Variants in SPTA1 observed in about 807,000 individuals in gnomAD.
The protein encoded by SPTA1 is spectrin alpha chain, erythrocytic 1.
Under a neutral mutation model 324.7 loss-of-function variants are expected in SPTA1, and 177 were observed. The observed-to-expected ratio is 0.55, with a 90% confidence interval of 0.48 to 0.62. The LOEUF is 0.62. Among genes scored for constraint, SPTA1 ranks in the 20% least tolerant of loss-of-function variants. SPTA1 has a pLI of 0.00. For missense variants in SPTA1, 3,162 were observed against 2,883.6 expected, an observed-to-expected ratio of 1.10 and a Z score of -2.21; for synonymous variants, 1,195 against 1,041.3, an observed-to-expected ratio of 1.15 and a Z score of -2.84.
At chr1:158,613,894 T>A (rs555018814) in intron 49 of SPTA1, 27 bp from the exon 50 acceptor site, 131 of 1,606,128 alleles carry the variant, frequency 8.2e-5, no homozygotes, top group Admixed American at 1.0e-4. Flanking sequence ...GAAAAAAAAA[T>A]TTATCAAGCT....
chr1:158,628,891 A>T (rs1557932680), intron 39 of SPTA1, among the ~76,000 whole-genome samples: 1 of 152,066 alleles, frequency 6.6e-6, no homozygotes, highest in Non-Finnish European at 1.5e-5. Context: ...TCATGAAGAA[A>T]GTCCAAACAG....
intron 42 of SPTA1, 54 bp from the exon 43 acceptor site, chr1:158,623,246 C>A: frequency 6.8e-7 from 1 of 1,465,850 alleles, no homozygotes; most frequent in South Asian, 1.1e-5. Context: ...AAGGGTCATT[C>A]ACATCTGGGT....
At chr1:158,642,031 C>A (rs1392763288) in intron 33 of SPTA1, among the ~76,000 whole-genome samples, 1 of 151,980 alleles carries the variant, frequency 6.6e-6, no homozygotes, top group Non-Finnish European at 1.5e-5. Flanking sequence ...AAACTGGAAA[C>A]CATCATTCTC....
At chr1:158,652,692 G>C (rs1227408691) in intron 22 of SPTA1, 39 bp from the exon 23 acceptor site, 1 of 1,608,686 alleles carries the variant, frequency 6.2e-7, no homozygotes, top group Admixed American at 1.7e-5. Context: ...AAAAGAAGGA[G>C]AAAATACAGA....
intron 17 of SPTA1, 192 bp from the exon 18 acceptor site, chr1:158,661,601 A>G: frequency 1.5e-6 from 1 of 683,426 alleles, no homozygotes; most frequent in Non-Finnish European, 2.4e-6. Context: ...GCCTCTTTTT[A>G]TTAATAAATT....
chr1:158,642,226 G>T (rs1241271645), intron 33 of SPTA1, among the ~76,000 whole-genome samples, 185 bp downstream of exon 33: 1 of 151,746 alleles, frequency 6.6e-6, no homozygotes, highest in Non-Finnish European at 1.5e-5. Context: ...AAGTTAATGG[G>T]TGCAGCACAC....
At chr1:158,644,174 T>G (rs560874925) in intron 30 of SPTA1, 79 bp downstream of exon 30, 3 of 1,561,666 alleles carry the variant, frequency 1.9e-6, no homozygotes, top group African/African-American at 2.7e-5. Context: ...TTATAAATTA[T>G]AAAACCAGAC....
At chr1:158,613,625 G>T in intron 50 of SPTA1, 96 bp downstream of exon 50, 2 of 1,557,468 alleles carry the variant, frequency 1.3e-6, no homozygotes, top group Non-Finnish European at 8.8e-7. Context: ...ATTTTCAGAT[G>T]AGTTAATTTC....
intron 2 of SPTA1, among the ~76,000 whole-genome samples, chr1:158,684,624 A>G (rs1655039696): frequency 6.6e-6 from 1 of 152,104 alleles, no homozygotes; most frequent in Admixed American, 6.6e-5. Context: ...TTTCCATTAC[A>G]TCACTCCCAC....
rs1159872458 is a variant in SPTA1 at position 158,611,163 on chromosome 1, ACACG to A, written c.*97_*100del. 9 of 1,388,312 alleles carry A rather than the reference ACACG, an allele frequency of 6.5e-6. No individual in the cohort carries two copies. The highest frequency in any genetic ancestry group is 9.1e-6 in the Non-Finnish European group (9 of 987,902). 86.0% of individuals were successfully genotyped at this position (1,388,312 alleles called of 1,614,324 possible). A position where few individuals can be genotyped will look rare whatever the true frequency, so the allele number is the denominator to read the frequency against. On this transcript the variant is annotated 3_prime_UTR_variant, in exon 52 of 52. Coordinates refer to ENST00000643759, the MANE Select transcript of SPTA1 (RefSeq NM_003126.4). ...CACACACACACACACACACACACACACACGAGGCCATCTTTATCTTCCACATTTG... is the reference window on the plus strand; with the variant it reads ...CACACACACACACACACACACACACAAGGCCATCTTTATCTTCCACATTTG...
At position 158,666,432 on chromosome 1, in the gene SPTA1, A is replaced by G; in HGVS notation, c.2104T>C (p.Trp702Arg). ...ACTTGCCACTCAACATCCTCCAGCCAGCGCTGCAAATCTTCTGCATTATTT... is the reference window on the plus strand; with the variant it reads ...ACTTGCCACTCAACATCCTCCAGCCGGCGCTGCAAATCTTCTGCATTATTT... The part of the protein sequence containing the change: ...FENNAEDLQR[W>R]LEDVEWQVTS... Residue 702 changes from tryptophan to arginine, a missense_variant, in exon 16 of 52, where the codon TGG (tryptophan) becomes CGG (arginine). Trp to Arg is a moderately radical substitution (Grantham distance 101). Coordinates refer to ENST00000643759, the MANE Select transcript of SPTA1 (RefSeq NM_003126.4). The G allele has an allele frequency of 4.3e-6, 7 of 1,613,496 alleles. No homozygotes were observed. Among genetic ancestry groups the G allele is most frequent in the Non-Finnish European group, 5.9e-6 (7 of 1,179,960 alleles).
At chr1:158,614,510 A>G (rs556432076) in intron 48 of SPTA1, 1 of 507,532 alleles carries the variant, frequency 2.0e-6, no homozygotes, top group Middle Eastern at 5.1e-4. Flanking sequence ...AGTAGATTTT[A>G]CATTTTCATA....
At chr1:158,656,533 G>A (rs1652838177) in intron 20 of SPTA1, 31 bp downstream of exon 20, 2 of 1,578,004 alleles carry the variant, frequency 1.3e-6, no homozygotes, top group Non-Finnish European at 1.7e-6. Flanking sequence ...GGTGGGAAGT[G>A]TGAATCCTGT....
intron 35 of SPTA1, 22 bp downstream of exon 35, chr1:158,639,560 G>T (rs1651368201): frequency 6.2e-7 from 1 of 1,608,616 alleles, no homozygotes; most frequent in African/African-American, 1.3e-5. Context: ...GCCCAGAGGA[G>T]AGGGATGCCA....
chr1:158,623,382 C>T (rs938195847), intron 42 of SPTA1, among the ~76,000 whole-genome samples, 190 bp from the exon 43 acceptor site: 1 of 152,162 alleles, frequency 6.6e-6, no homozygotes, highest in Non-Finnish European at 1.5e-5. Context: ...GTATATTTTA[C>T]AATTAGATTT....
At chr1:158,622,895 C>T in intron 43 of SPTA1, 88 bp downstream of exon 43, 1 of 1,197,910 alleles carries the variant, frequency 8.3e-7, no homozygotes, top group East Asian at 2.3e-5. Flanking sequence ...TTGTATTATC[C>T]AAACTGAGTT....
chr1:158,650,935 AATGAAGAGACTTGTCTGAGGACAC>A (rs1652383095), intron 24 of SPTA1, among the ~76,000 whole-genome samples: 4 of 152,186 alleles, frequency 2.6e-5, no homozygotes, highest in Admixed American at 2.6e-4. Flanking sequence ...GGTTTTTAGA[AATGAAGAGACTTGTCTGAGGACAC>A]ACAGTCAGAC....
Position 158,652,759 on chromosome 1 carries a change from ACAAAT to A in SPTA1, c.3189-111_3189-107del. Reference sequence around the variant, plus strand: ...AGAAGGAACAAAAATGAAAGGGAAAACAAATCAAAAGCAAAAGAATAGTAGAAGAG... The same window carrying A: ...AGAAGGAACAAAAATGAAAGGGAAAACAAAAGCAAAAGAATAGTAGAAGAG... On this transcript the variant is annotated intron_variant, in intron 22 of 51. Coordinates refer to ENST00000643759, the MANE Select transcript of SPTA1 (RefSeq NM_003126.4). 4 of 1,315,180 alleles carry A rather than the reference ACAAAT, an allele frequency of 3.0e-6. No individual in the cohort carries two copies. The South Asian group carries it at 5.1e-5, about 17-fold the overall frequency. The allele number at this position is 1,315,180 out of a possible 1,614,324, so 81.5% of individuals were successfully genotyped here.
Position 158,626,853 on chromosome 1 carries a change from A to T in SPTA1, c.5819T>A (p.Val1940Glu). The change falls in exon 41 of 52, where the codon GTA becomes GAA. Residue 1940 changes from valine to glutamate, a missense_variant. Coordinates refer to ENST00000643759, the MANE Select transcript of SPTA1 (RefSeq NM_003126.4). ...ACACATCATACCTATCCAAGCCTCTACCACATCAGCCTTCCAGTTGAATTC... is the reference window on the plus strand; with the variant it reads ...ACACATCATACCTATCCAAGCCTCTTCCACATCAGCCTTCCAGTTGAATTC... ...FQEFNWKADV[V>E]EAWIADKETS... 1 of 1,613,750 alleles carries T rather than the reference A, an allele frequency of 6.2e-7. No individual in the cohort carries two copies. Among genetic ancestry groups the T allele is most frequent in the East Asian group, 2.2e-5 (1 of 44,866 alleles).
Sources: allele counts gnomAD v4.1 joint callset (sites outside exome capture counted in the v4.1 genomes callset), GRCh38; gene constraint gnomAD v4.1.1; transcripts MANE v1.5; gene names NCBI Gene and HGNC (gene_info 2026-07-23, HGNC 2026-07-21).